ZNF335: variants seen among roughly 807,000 people sequenced by gnomAD.
ZNF335 encodes NRC-interacting factor 1.
ZNF335 carries 84 observed loss-of-function variants against 145.6 expected under a neutral mutation model. That is an observed-to-expected ratio of 0.58 (90% CI 0.48 to 0.69). The LOEUF (loss-of-function observed/expected upper bound fraction) is 0.69. Ranked by LOEUF, ZNF335 falls within the 30% of genes least tolerant of loss-of-function variation. The pLI, the probability that ZNF335 is intolerant of heterozygous loss-of-function variation, is 0.00. For missense variants in ZNF335, 1,865 were observed against 1,809.7 expected, an observed-to-expected ratio of 1.03 and a Z score of -0.55; for synonymous variants, 761 against 717.0, an observed-to-expected ratio of 1.06 and a Z score of -0.98.
chr20:45,957,031 AG>A (rs2083741241), intron 17 of ZNF335, among the ~76,000 whole-genome samples: 1 of 152,088 alleles, frequency 6.6e-6, no homozygotes, highest in Non-Finnish European at 1.5e-5. Flanking sequence ...GCTGGGAAAC[AG>A]GAGGGGCTAA....
chr20:45,954,568 A>C (rs2083691777), intron 17 of ZNF335, among the ~76,000 whole-genome samples: 1 of 152,164 alleles, frequency 6.6e-6, no homozygotes, highest in African/African-American at 2.4e-5. Flanking sequence ...ATGAAGCCAA[A>C]AAACAAAGAA....
Position 45,972,084 on chromosome 20 carries a change from G to A in ZNF335, c.-51+38C>T, listed in dbSNP as rs568178972. 78 of 1,287,964 alleles carry A rather than the reference G, an allele frequency of 6.1e-5. 1 individual carries two copies. In the South Asian group the frequency reaches 9.3e-4, roughly 15 times the overall value. 79.8% of individuals were successfully genotyped at this position (1,287,964 alleles called of 1,614,324 possible). On this transcript the variant is annotated intron_variant, in intron 1 of 27. Coordinates refer to ENST00000322927, the MANE Select transcript of ZNF335 (RefSeq NM_022095.4). ...CGCAGTGTGACCTCACTCCACGGCA[G>A]GGTACGGTGGGGCCGCCTAACTCTA... is the stretch of plus-strand genomic sequence containing the variant.
In ZNF335 at chr20:45,948,846, T is replaced by C. The variant is rs564081813; in HGVS notation, c.*107A>G. ...TCCCTGGGAATGAGAGGATGCTGGC[T>C]ATCCAGTATCTGGAGATCCTAAATG... On this transcript the variant is annotated 3_prime_UTR_variant, in exon 28 of 28. Coordinates refer to ENST00000322927, the MANE Select transcript of ZNF335 (RefSeq NM_022095.4). 1,111 of 1,545,844 alleles carry C rather than the reference T, an allele frequency of 7.2e-4. 1 individual carries two copies. Among genetic ancestry groups the C allele is most frequent in the Non-Finnish European group, 9.1e-4 (1,035 of 1,132,564 alleles).
chr20:45,968,485 G>T (rs1203397385), intron 3 of ZNF335, 123 bp from the exon 4 acceptor site: 7 of 862,766 alleles, frequency 8.1e-6, no homozygotes, highest in Non-Finnish European at 1.3e-5. Flanking sequence ...GCTCCCATGT[G>T]CGACTGCAAA....
chr20:45,963,369 G>T, intron 9 of ZNF335, 104 bp downstream of exon 9: 1 of 1,324,498 alleles, frequency 7.6e-7, no homozygotes, highest in Non-Finnish European at 1.0e-6. Flanking sequence ...AGGAGAGCGT[G>T]ACCCAGAATG....
At chr20:45,954,051 T>C (rs1168517280) in intron 17 of ZNF335, 103 bp from the exon 18 acceptor site, 1 of 1,369,292 alleles carries the variant, frequency 7.3e-7, no homozygotes, top group Non-Finnish European at 9.8e-7. Context: ...CCACACACTC[T>C]AGTCAGACCA....
Position 45,962,089 on chromosome 20 carries a change from C to A in ZNF335, c.1627G>T (p.Ala543Ser). ...VYRKDVIRHA[A>S]VHSRDRKKRP... The stretch of plus-strand genomic sequence containing the variant: ...ACTGACCGGTCCCGGCTGTGCACAG[C>A]GGCGTGCCGAATGACGTCCTTCCGG... Residue 543 changes from alanine (A) to serine (S), a missense_variant, in exon 10 of 28, where the codon GCT (alanine) becomes TCT (serine). Coordinates refer to ENST00000322927, the MANE Select transcript of ZNF335 (RefSeq NM_022095.4). 1.2e-6 allele frequency: 2 copies of A among 1,613,580 alleles called. No individual in the cohort carries two copies. Among genetic ancestry groups the A allele is most frequent in the East Asian group, 2.2e-5 (1 of 44,856 alleles).
chr20:45,960,814 T>A lies in ZNF335; in HGVS notation c.1665+50A>T, dbSNP rs1178429605. The A allele has an allele frequency of 1.9e-6, 3 of 1,613,706 alleles. No homozygotes were observed. The African/African-American group carries it at 4.0e-5, about 22-fold the overall frequency. On this transcript the variant is annotated intron_variant, in intron 11 of 27. Transcript: ENST00000322927. The stretch of plus-strand genomic sequence containing the variant: ...ACCTCCCCTCTTGTCCTCACCCCCA[T>A]AAACAACCCCCGGGCAGGTTCCCTT...
chr20:45,958,293 C>T (rs1472524456), intron 15 of ZNF335, among the ~76,000 whole-genome samples: 2 of 152,162 alleles, frequency 1.3e-5, no homozygotes, highest in Non-Finnish European at 2.9e-5. Context: ...GTGATCCACC[C>T]ACCTCGGCCT....
At chr20:45,965,914 T>C in intron 6 of ZNF335, 140 bp from the exon 7 acceptor site, 1 of 1,043,318 alleles carries the variant, frequency 9.6e-7, no homozygotes, top group South Asian at 1.8e-5. Context: ...AAAGCCCTCC[T>C]GATCTCCTCT....
chr20:45,953,006 G>A (rs2083663145), intron 18 of ZNF335, among the ~76,000 whole-genome samples: 1 of 152,224 alleles, frequency 6.6e-6, no homozygotes. Flanking sequence ...AGTAGCAAAC[G>A]GTGAATCCAC....
rs376616764 is a variant in ZNF335 at position 45,949,579 on chromosome 20, G to C, written c.3670-11C>G. 5.0e-5 allele frequency: 80 copies of C among 1,606,250 alleles called. No homozygotes were observed. In the East Asian group the frequency reaches 5.4e-4, roughly 11 times the overall value. ...GATGATATACTGCACCTGTTGGTGG[G>C]GGGGGCGGGCATGGCGAGGCAGGTG... On this transcript the variant is annotated splice_polypyrimidine_tract_variant and intron_variant, in intron 24 of 27. Transcript: ENST00000322927.
At chr20:45,961,912 T>C (rs1407633330) in intron 10 of ZNF335, 158 bp downstream of exon 10, 3 of 622,548 alleles carry the variant, frequency 4.8e-6, no homozygotes, top group Non-Finnish European at 8.6e-6. Flanking sequence ...CCAAATGAAC[T>C]GGGGTGAACT....
At chr20:45,971,932 C>A (rs556246717) in intron 1 of ZNF335, 190 bp downstream of exon 1, 4 of 985,452 alleles carry the variant, frequency 4.1e-6, no homozygotes, top group East Asian at 2.3e-4. Flanking sequence ...GTGCTCCAGG[C>A]CCGACGCCAT....
Position 45,965,625 on chromosome 20 carries a change from CACCATCTGGGA to C in ZNF335, c.1094_1102+2del. ...ACGAGCCCCTCCCAAGACCAAGCCT[CACCATCTGGGA>C]GGTCTGAGATCTCCAGGCGGGGCAG... On this transcript the variant is annotated splice_donor_variant and coding_sequence_variant, in exon 7 of 28. Transcript: ENST00000322927. LOFTEE classifies it high-confidence loss of function. The C allele has an allele frequency of 6.3e-7, 1 of 1,594,466 alleles. No individual in the cohort carries two copies. Among genetic ancestry groups the C allele is most frequent in the Non-Finnish European group, 8.5e-7 (1 of 1,172,132 alleles).
At chr20:45,969,090 T>A (rs758904658) in intron 3 of ZNF335, among the ~76,000 whole-genome samples, 2 of 152,252 alleles carry the variant, frequency 1.3e-5, no homozygotes, top group Admixed American at 6.5e-5. Context: ...AAGTTATGTA[T>A]GTCCTTGGTG....
At chr20:45,962,815 G>GT in intron 9 of ZNF335, among the ~76,000 whole-genome samples, 1 of 91,300 alleles carries the variant, frequency 1.1e-5, no homozygotes, top group Non-Finnish European at 2.1e-5. Flanking sequence ...TTTTTTTTTT[G>GT]TTTGTTTGTT....
rs1483526703 is a variant in ZNF335, at chr20:45,949,095, G to GA, written c.3902-16dup. The GA allele has an allele frequency of 1.9e-6, 3 of 1,613,578 alleles. No individual in the cohort carries two copies. The Admixed American group carries it at 5.0e-5, about 27-fold the overall frequency. On this transcript the variant is annotated splice_polypyrimidine_tract_variant and intron_variant, in intron 27 of 27. Coordinates refer to ENST00000322927, the MANE Select transcript of ZNF335 (RefSeq NM_022095.4). ...ATCAGCCACTGCTGCCAGGGGAGGG[G>GA]AAAGTATGGTGAGCTGGAGGCTCAA...
chr20:45,969,298 C>T (rs368173268), intron 3 of ZNF335, among the ~76,000 whole-genome samples, 153 bp downstream of exon 3: 1 of 148,070 alleles, frequency 6.8e-6, no homozygotes, highest in Admixed American at 6.7e-5. Flanking sequence ...CTCATTAAAT[C>T]CTCATTTACC....
Sources: gnomAD v4.1 joint callset for allele counts (sites outside exome capture counted in the v4.1 genomes callset) on GRCh38, gnomAD v4.1.1 for gene constraint, MANE v1.5 for transcripts, NCBI Gene and HGNC (gene_info 2026-07-23, HGNC 2026-07-21) for gene names.